Variants in FAT1 observed in about 807,000 individuals in gnomAD.
FAT1 encodes the protein protocadherin Fat 1.
FAT1 carries 171 observed loss-of-function variants against 329.8 expected under a neutral mutation model. That is an observed-to-expected ratio of 0.52 (90% CI 0.46 to 0.59). The LOEUF is 0.59. Ranked by LOEUF, FAT1 falls within the 20% of genes least tolerant of loss-of-function variation. The pLI is 0.00. For synonymous variants in FAT1, 2,233 were observed against 2,228.6 expected (o/e 1.00, Z -0.06); for missense variants, 5,672 against 5,774.4 (o/e 0.98, Z 0.57).
rs1741011574 is a variant in FAT1, at chr4:186,639,798, C to T, written c.3581-15G>A. On this transcript the variant is annotated splice_polypyrimidine_tract_variant and intron_variant, in intron 3 of 26. Coordinates refer to ENST00000441802, the MANE Select transcript of FAT1 (RefSeq NM_005245.4). ...TGTGATGAGACCTGTAAAATGATAA[C>T]AGTTCATTAATCCTCACAAAATAAG... is the stretch of plus-strand genomic sequence containing the variant. 4 of 1,601,934 alleles carry T rather than the reference C, an allele frequency of 2.5e-6. No homozygotes were observed. The South Asian group carries it at 3.3e-5, about 13-fold the overall frequency.
At chr4:186,688,146 T>C (rs1178861748) in intron 2 of FAT1, among the ~76,000 whole-genome samples, 1 of 145,392 alleles carries the variant, frequency 6.9e-6, no homozygotes, top group Non-Finnish European at 1.5e-5. Context: ...CAACACTATG[T>C]AATCATTTCC....
intron 3 of FAT1, among the ~76,000 whole-genome samples, chr4:186,654,392 G>A (rs1741808971): frequency 1.3e-5 from 2 of 152,034 alleles, no homozygotes; most frequent in African/African-American, 2.4e-5. Flanking sequence ...TGGAAGAGTG[G>A]TATAAAAAAA....
chr4:186,706,505 T>TAAAA (rs200130748), intron 2 of FAT1, 58 bp downstream of exon 2: 3 of 1,404,522 alleles, frequency 2.1e-6, no homozygotes, highest in Non-Finnish European at 2.9e-6. Flanking sequence ...GGCAGATGGT[T>TAAAA]AAAAAAAAAA....
intron 3 of FAT1, among the ~76,000 whole-genome samples, chr4:186,651,846 C>G (rs1213115529): frequency 6.6e-6 from 1 of 152,210 alleles, no homozygotes; most frequent in Non-Finnish European, 1.5e-5. Context: ...TGTCCTAAGA[C>G]CACACGTCAC....
At position 186,619,226 on chromosome 4, in the gene FAT1, G is replaced by A. The variant is rs202097333; in HGVS notation, c.7360C>T (p.Arg2454Trp). 87 of 1,613,862 alleles carry A rather than the reference G, an allele frequency of 5.4e-5. No homozygotes were observed. Among genetic ancestry groups the A allele is most frequent in the Non-Finnish European group, 7.2e-5 (85 of 1,179,898 alleles). ...CTGTAAAATGGCTTCAGGGCGTGCCGGTGCAGGTTTGAGAGGGTGATAATC... is the reference window on the plus strand; with the variant it reads ...CTGTAAAATGGCTTCAGGGCGTGCCAGTGCAGGTTTGAGAGGGTGATAATC... The part of the protein sequence containing the change: ...TGIITLSNLH[R>W]HALKPFYSLN... The change falls in exon 10 of 27, where the codon CGG becomes TGG. Residue 2454 changes from arginine to tryptophan, a missense_variant. Arg to Trp is a moderately radical substitution (Grantham distance 101). Around this residue, in one of 2 missense-constraint regions of FAT1, gnomAD observed 3,966 missense variants for 3,915.2 expected, o/e 1.01. Transcript: ENST00000441802.
rs1345407673 is a variant in FAT1 at position 186,723,759 on chromosome 4, G to GCCGGGCTCGCGCGTCCGCATGGTA, written c.-138_-115dup. On this transcript the variant is annotated 5_prime_UTR_variant, in exon 1 of 27. In the 5' UTR this introduces an upstream ATG that the reference lacks. Transcript: ENST00000441802. ...AGGGACCGGGCCTGCCGGGGCCCTC[G>GCCGGGCTCGCGCGTCCGCATGGTA]CCGGGCTCGCGCGTCCGCATGGTAC... is the stretch of plus-strand genomic sequence containing the variant. 23 of 150,532 alleles carry GCCGGGCTCGCGCGTCCGCATGGTA rather than the reference G, an allele frequency of 1.5e-4. No homozygotes were observed. The highest frequency in any genetic ancestry group is 5.6e-4 in the African/African-American group (23 of 40,980). 9.3% of individuals were successfully genotyped at this position (150,532 alleles called of 1,614,324 possible).
At chr4:186,663,167 T>C in intron 3 of FAT1, 132 bp downstream of exon 3, 2 of 813,498 alleles carry the variant, frequency 2.5e-6, no homozygotes, top group Non-Finnish European at 3.8e-6. Context: ...TAAAGGCTTA[T>C]TTTGAATAAT....
chr4:186,704,418 A>G (rs552102632), intron 2 of FAT1, among the ~76,000 whole-genome samples: 37 of 152,286 alleles, frequency 2.4e-4, no homozygotes, highest in African/African-American at 8.9e-4. Context: ...ACTAGTTTCG[A>G]AATGATTCCT....
intron 4 of FAT1, among the ~76,000 whole-genome samples, chr4:186,638,009 C>G (rs1740912956): frequency 6.6e-6 from 1 of 152,144 alleles, no homozygotes; most frequent in Admixed American, 6.5e-5. Flanking sequence ...AAGAGAAATA[C>G]AAGCAAGCAC....
chr4:186,693,986 A>C (rs1464941962), intron 2 of FAT1, among the ~76,000 whole-genome samples: 7 of 149,084 alleles, frequency 4.7e-5, no homozygotes, highest in African/African-American at 1.7e-4. Context: ...ACCTCTCCCA[A>C]ACTCAACCTG....
rs184300563 is a variant in FAT1 at position 186,606,194 on chromosome 4, G to A, written c.10226C>T (p.Thr3409Met). 3.3e-5 allele frequency: 53 copies of A among 1,612,864 alleles called. No homozygotes were observed. The East Asian group carries it at 6.7e-4, about 20-fold the overall frequency. The change falls in exon 17 of 27, where the codon ACG (threonine) becomes ATG (methionine). Residue 3409 changes from threonine to methionine, a missense_variant. This residue lies in a region of FAT1 where 1,706 missense variants were observed against 1,859.1 expected (regional missense o/e 0.92). Transcript: ENST00000441802. ...DRETISGYTL[T>M]VQASDNGSPP... ...ACTGCCATTATCAGAAGCTTGAACC[G>A]TGAGCGTGTAACCTGAAATCTTTTC...
rs1738623922 is a variant in FAT1 at position 186,598,108 on chromosome 4, T to C, written c.12121A>G (p.Ser4041Gly). The C allele has an allele frequency of 1.2e-6, 2 of 1,608,878 alleles. No homozygotes were observed. The highest frequency in any genetic ancestry group is 1.7e-6 in the Non-Finnish European group (2 of 1,178,694). ...SPAGGYYCKC[S>G]ALYIGTHCEI... ...CAGTGGGTCCCTATGTACAAGGCACTGCATTTGCAGTAATAACCTAAATCG... is the reference window on the plus strand; with the variant it reads ...CAGTGGGTCCCTATGTACAAGGCACCGCATTTGCAGTAATAACCTAAATCG... Residue 4041 changes from serine to glycine, a missense_variant, in exon 23 of 27, where the codon AGT becomes GGT. Physicochemically the swap from Ser to Gly is moderately conservative, Grantham distance 56. This residue lies in a region of FAT1 where 1,706 missense variants were observed against 1,859.1 expected (regional missense o/e 0.92). Transcript: ENST00000441802.
At chr4:186,615,759 GCT>G (rs143394766) in intron 11 of FAT1, among the ~76,000 whole-genome samples, 2 of 152,036 alleles carry the variant, frequency 1.3e-5, no homozygotes, top group African/African-American at 4.8e-5. Flanking sequence ...TTTGGAAATA[GCT>G]CTCTCTTCTT....
chr4:186,652,773 C>T (rs960834340), intron 3 of FAT1, among the ~76,000 whole-genome samples: 8 of 152,014 alleles, frequency 5.3e-5, no homozygotes, highest in African/African-American at 1.7e-4. Context: ...GTTCAGTATT[C>T]GTTCCAGCCA....
intron 2 of FAT1, among the ~76,000 whole-genome samples, chr4:186,704,633 C>CAAAA (rs1011913338): frequency 3.3e-5 from 5 of 152,112 alleles, no homozygotes; most frequent in African/African-American, 1.2e-4. Flanking sequence ...AAAAATTTTA[C>CAAAA]AAAAACAGTT....
chr4:186,624,316 T>G (rs1481739191), intron 9 of FAT1, among the ~76,000 whole-genome samples: 1 of 152,156 alleles, frequency 6.6e-6, no homozygotes, highest in Admixed American at 6.5e-5. Flanking sequence ...CACAGAACTG[T>G]GAAGGGGAGT....
At position 186,617,062 on chromosome 4, in the gene FAT1, T is replaced by C. The variant is rs759746266; in HGVS notation, c.9018A>G (p.Lys3006=). The C allele has an allele frequency of 1.5e-5, 24 of 1,614,020 alleles. No homozygotes were observed. The South Asian group carries it at 2.5e-4, about 17-fold the overall frequency. Residue 3006 remains lysine, a synonymous_variant, in exon 11 of 27, where the codon AAA becomes AAG. Coordinates refer to ENST00000441802, the MANE Select transcript of FAT1 (RefSeq NM_005245.4). ...ITATDGTFSS[K]AIVEVKVLDA... ...CCAGAACTTTCACTTCAACTATCGC[T>C]TTTGATGAGAAGGTGCCATCAGTTG... is the stretch of plus-strand genomic sequence containing the variant.
intron 2 of FAT1, among the ~76,000 whole-genome samples, chr4:186,694,830 C>A (rs1366965174): frequency 6.6e-6 from 1 of 152,104 alleles, no homozygotes; most frequent in Admixed American, 6.6e-5. Flanking sequence ...GGCATGATGG[C>A]GGGTGCCTGT....
chr4:186,640,470 T>A (rs1007086966), intron 3 of FAT1, among the ~76,000 whole-genome samples: 1 of 152,192 alleles, frequency 6.6e-6, no homozygotes, highest in Non-Finnish European at 1.5e-5. Flanking sequence ...AACTGAGAGT[T>A]GACAGAAATG....
Sources: gnomAD v4.1 joint callset for allele counts (sites outside exome capture counted in the v4.1 genomes callset) on GRCh38, gnomAD v4.1.1 for gene constraint, gnomAD v4.1.1 regional missense constraint, MANE v1.5 for transcripts, NCBI Gene and HGNC (gene_info 2026-07-23, HGNC 2026-07-21) for gene names.